Variants in ZFHX3 observed in about 807,000 individuals in gnomAD.
ZFHX3 encodes the protein zinc finger homeobox protein 3.
ZFHX3 carries 42 observed loss-of-function variants against 279.1 expected under a neutral mutation model. The ratio of observed to expected loss-of-function variants is 0.15; its 90% CI spans 0.12 to 0.19. The LOEUF is 0.19. Ranked by LOEUF, ZFHX3 falls within the 10% of genes least tolerant of loss-of-function variation. ZFHX3 has a pLI of 1.00. For missense variants in ZFHX3, 4,981 were observed against 4,754.0 expected (o/e 1.05, Z -1.40); for synonymous variants, 2,293 against 1,957.8 (o/e 1.17, Z -4.52).
intron 5 of ZFHX3, among the ~76,000 whole-genome samples, chr16:73,172,387 C>T (rs1409692506): frequency 6.6e-6 from 1 of 152,222 alleles, no homozygotes; most frequent in Non-Finnish European, 1.5e-5. Context: ...ACTCAAGATT[C>T]CAGGCCGAAC....
intron 5 of ZFHX3, among the ~76,000 whole-genome samples, chr16:73,205,585 T>G (rs1436539268): frequency 6.6e-6 from 1 of 152,210 alleles, no homozygotes; most frequent in Non-Finnish European, 1.5e-5. Flanking sequence ...GAGGAGGATG[T>G]TTCATTGAAC....
In ZFHX3 at chr16:72,958,661, A is replaced by G. The variant is rs1486551105; in HGVS notation, c.1485T>C (p.Phe495=). The G allele has an allele frequency of 1.2e-6, 2 of 1,613,742 alleles. No individual in the cohort carries two copies. The highest frequency in any genetic ancestry group is 1.7e-6 in the Non-Finnish European group (2 of 1,179,954). Residue 495 remains phenylalanine (F), a synonymous_variant, in exon 2 of 10, where the codon TTT becomes TTC. Coordinates refer to ENST00000268489, the MANE Select transcript of ZFHX3 (RefSeq NM_006885.4). ...CCAGTTCCTCATCCAACTCGCTTGG[A>G]AAGAGTCCTTTGCAACCCTCGTCTT... is the stretch of plus-strand genomic sequence containing the variant. ...EEEDEGCKGL[F]PSELDEELED... is the part of the protein sequence containing the mutation.
chr16:73,309,844 TAGTTA>T (rs2015281673), intron 4 of ZFHX3, among the ~76,000 whole-genome samples: 1 of 151,990 alleles, frequency 6.6e-6, no homozygotes, highest in Non-Finnish European at 1.5e-5. Context: ...AATAGCAGTT[TAGTTA>T]AAATTCTGTA....
intron 3 of ZFHX3, among the ~76,000 whole-genome samples, chr16:72,890,451 CG>C (rs746266369): frequency 6.6e-6 from 1 of 151,660 alleles, no homozygotes; most frequent in Non-Finnish European, 1.5e-5. Flanking sequence ...AGTAGCAGCA[CG>C]GTAATGGACT....
chr16:72,835,784 C>A (rs529479033), intron 4 of ZFHX3, among the ~76,000 whole-genome samples: 2 of 152,220 alleles, frequency 1.3e-5, no homozygotes, highest in Admixed American at 6.5e-5. Flanking sequence ...TCATTGTATA[C>A]CCTGACCAAT....
At chr16:73,168,210 G>GC (rs1967421757) in intron 5 of ZFHX3, among the ~76,000 whole-genome samples, 1 of 90,906 alleles carries the variant, frequency 1.1e-5, no homozygotes, top group Admixed American at 1.1e-4. Flanking sequence ...AGTTTCTTTT[G>GC]TTTTCTTTCT....
At chr16:73,042,293 G>A (rs1283645184) in intron 1 of ZFHX3, among the ~76,000 whole-genome samples, 2 of 152,220 alleles carry the variant, frequency 1.3e-5, no homozygotes, top group South Asian at 4.2e-4. Flanking sequence ...AGATTCAAAT[G>A]AGAAGACAGA....
chr16:72,929,983 C>T (rs147251271), intron 3 of ZFHX3, among the ~76,000 whole-genome samples: 5,988 of 152,188 alleles, frequency 0.039, 285 homozygotes, highest in African/African-American at 0.099. Flanking sequence ...TTTGGGAGGC[C>T]GAAGTGGGCG....
intron 5 of ZFHX3, among the ~76,000 whole-genome samples, chr16:73,183,955 G>A (rs7185004): frequency 0.18 from 26,638 of 151,988 alleles, 2,588 homozygotes; most frequent in Middle Eastern, 0.28. Flanking sequence ...TTGTGAAACT[G>A]GCAGCAATTT....
chr16:73,244,151 G>A (rs1389888639), intron 5 of ZFHX3, among the ~76,000 whole-genome samples: 3 of 152,174 alleles, frequency 2.0e-5, no homozygotes, highest in Non-Finnish European at 4.4e-5. Context: ...TTGCAAGGAT[G>A]GGAAGTGGCA....
chr16:73,686,198 C>A (rs530721006), intron 1 of ZFHX3, among the ~76,000 whole-genome samples: 65 of 152,222 alleles, frequency 4.3e-4, no homozygotes, highest in African/African-American at 1.5e-3. Flanking sequence ...CGGGTTCAAG[C>A]AGTTCCCTGC....
chr16:73,193,405 A>T (rs1968083956), intron 5 of ZFHX3, among the ~76,000 whole-genome samples: 1 of 152,222 alleles, frequency 6.6e-6, no homozygotes, highest in African/African-American at 2.4e-5. Flanking sequence ...AGTGCTAGTC[A>T]AATGTCAGGT....
At chr16:72,993,459 A>T (rs75937977) in intron 1 of ZFHX3, among the ~76,000 whole-genome samples, 1,649 of 152,312 alleles carry the variant, frequency 0.011, 36 homozygotes, top group East Asian at 0.096. Flanking sequence ...TGAGAAATAA[A>T]GATGTGAGCA....
chr16:73,437,743 T>C (rs976255874), intron 3 of ZFHX3, among the ~76,000 whole-genome samples: 3 of 152,198 alleles, frequency 2.0e-5, no homozygotes, highest in African/African-American at 7.2e-5. Context: ...TACTAGTATG[T>C]GGAGGCTAAA....
rs752574846 is a variant in ZFHX3 at position 72,798,038 on chromosome 16, G to T, written c.4644C>A (p.Thr1548=). ...TTTGAGTGAAAGATTCCTTGCAGAC[G>T]GTACACTTGTAAGGGCGAGAAGGGT... ...FLDPSRPYKC[T]VCKESFTQKN... Residue 1548 remains threonine (T), a synonymous_variant, in exon 9 of 10, where the codon ACC becomes ACA. Coordinates refer to ENST00000268489, the MANE Select transcript of ZFHX3 (RefSeq NM_006885.4). 1.2e-6 allele frequency: 2 copies of T among 1,614,062 alleles called. No homozygotes were observed. The highest frequency in any genetic ancestry group is 1.7e-6 in the Non-Finnish European group (2 of 1,180,048).
chr16:73,566,057 T>C (rs548329877), intron 2 of ZFHX3, among the ~76,000 whole-genome samples: 1 of 152,334 alleles, frequency 6.6e-6, no homozygotes, highest in Admixed American at 6.5e-5. Flanking sequence ...TGCAGAGCTG[T>C]GGCAATGCTG....
chr16:73,018,049 G>T (rs1597096768), intron 1 of ZFHX3, among the ~76,000 whole-genome samples: 1 of 150,596 alleles, frequency 6.6e-6, no homozygotes, highest in South Asian at 2.1e-4. Context: ...CCAGTGGCAC[G>T]ATCATGGCTC....
At chr16:73,659,273 G>A (rs575603282) in intron 2 of ZFHX3, among the ~76,000 whole-genome samples, 2 of 152,258 alleles carry the variant, frequency 1.3e-5, no homozygotes, top group East Asian at 1.9e-4. Context: ...AGCCAAAAAT[G>A]TACATACGTG....
upstream of ZFHX3, among the ~76,000 whole-genome samples, chr16:73,051,390 C>G (rs1965447474): frequency 6.6e-6 from 1 of 152,098 alleles, no homozygotes; most frequent in Non-Finnish European, 1.5e-5. Flanking sequence ...GTGGCCGAGC[C>G]CTCCTGGGTA....
Sources: allele counts gnomAD v4.1 joint callset (sites outside exome capture counted in the v4.1 genomes callset), GRCh38; gene constraint gnomAD v4.1.1; transcripts MANE v1.5; gene names NCBI Gene and HGNC (gene_info 2026-07-23, HGNC 2026-07-21).